The following PTPRD variants were observed in gnomAD, a reference collection of about 807,000 sequenced individuals.
PTPRD encodes the protein receptor-type tyrosine-protein phosphatase delta.
PTPRD carries 34 observed loss-of-function variants against 214.5 expected under a neutral mutation model. The observed-to-expected ratio is 0.16, with a 90% CI of 0.12 to 0.21. PTPRD has a LOEUF of 0.21. PTPRD is among the 10% of genes least tolerant of loss of function. The pLI, the probability that PTPRD is intolerant of heterozygous loss-of-function variation, is 1.00. For missense variants in PTPRD, 2,545 were observed against 2,398.7 expected (o/e 1.06, Z -1.27); for synonymous variants, 1,128 against 845.7 (o/e 1.33, Z -5.79).
intron 11 of PTPRD, among the ~76,000 whole-genome samples, chr9:8,913,677 C>T (rs1403694945): frequency 6.6e-6 from 1 of 152,114 alleles, no homozygotes; most frequent in Non-Finnish European, 1.5e-5. Context: ...CTACCCCATT[C>T]CCCATACTTT....
At chr9:8,637,674 A>C (rs1224737035) in intron 12 of PTPRD, among the ~76,000 whole-genome samples, 1 of 152,222 alleles carries the variant, frequency 6.6e-6, no homozygotes, top group Non-Finnish European at 1.5e-5. Flanking sequence ...GAATGATATA[A>C]AATGTAAATG....
At chr9:9,384,434 A>G in intron 9 of PTPRD, among the ~76,000 whole-genome samples, 1 of 133,078 alleles carries the variant, frequency 7.5e-6, no homozygotes. Flanking sequence ...TAGAAACATC[A>G]TTTTTGTATG....
intron 10 of PTPRD, among the ~76,000 whole-genome samples, chr9:9,027,169 T>C (rs2099590192): frequency 6.6e-6 from 1 of 151,774 alleles, no homozygotes; most frequent in Non-Finnish European, 1.5e-5. Flanking sequence ...ATTTACTACC[T>C]TCCCTCTCTG....
chr9:8,581,990 A>G (rs1223648118), intron 14 of PTPRD, among the ~76,000 whole-genome samples: 1 of 151,640 alleles, frequency 6.6e-6, no homozygotes, highest in Non-Finnish European at 1.5e-5. Context: ...CAAATTTTTA[A>G]ATACTAAAAG....
At chr9:10,312,288 T>C (rs563615389) in intron 3 of PTPRD, among the ~76,000 whole-genome samples, 141 of 152,112 alleles carry the variant, frequency 9.3e-4, no homozygotes, top group African/African-American at 3.2e-3. Flanking sequence ...CTCTTCCTCA[T>C]CCATTTGAGG....
At chr9:9,847,421 G>A (rs1378495031) in intron 5 of PTPRD, among the ~76,000 whole-genome samples, 2 of 152,052 alleles carry the variant, frequency 1.3e-5, no homozygotes, top group East Asian at 3.9e-4. Context: ...TACAATTGAT[G>A]CTATATTTTT....
chr9:9,323,610 A>C (rs1967903332), intron 9 of PTPRD, among the ~76,000 whole-genome samples: 1 of 152,066 alleles, frequency 6.6e-6, no homozygotes, highest in South Asian at 2.1e-4. Flanking sequence ...ATCTCAAACA[A>C]ATTGGCTTCT....
chr9:8,780,514 G>C (rs1192552910), intron 11 of PTPRD, among the ~76,000 whole-genome samples: 1 of 152,150 alleles, frequency 6.6e-6, no homozygotes, highest in African/African-American at 2.4e-5. Context: ...TGCAACACTG[G>C]GAGAAGGAGG....
intron 36 of PTPRD, among the ~76,000 whole-genome samples, chr9:8,393,016 C>G (rs910429911): frequency 2.6e-5 from 4 of 152,174 alleles, no homozygotes; most frequent in African/African-American, 9.7e-5. Flanking sequence ...TCAACCAACA[C>G]TGTGAAAATA....
chr9:8,998,852 A>T (rs1306448877), intron 11 of PTPRD, among the ~76,000 whole-genome samples: 2 of 152,094 alleles, frequency 1.3e-5, no homozygotes, highest in Non-Finnish European at 2.9e-5. Context: ...ATTTGGAAGA[A>T]GTTGATTCCA....
intron 26 of PTPRD, among the ~76,000 whole-genome samples, chr9:8,494,652 G>T (rs576081854): frequency 6.6e-6 from 1 of 152,298 alleles, no homozygotes; most frequent in Non-Finnish European, 1.5e-5. Flanking sequence ...TATGCACTCT[G>T]AGACTTATAT....
At position 8,379,637 on chromosome 9, in the gene PTPRD, T is replaced by C. The variant is rs374199906; in HGVS notation, c.4387-2911A>G. On this transcript the variant is annotated intron_variant, in intron 37 of 45. Transcript: ENST00000381196. ...CCTTTGACAACTTTCCTTCCCCTAC[T>C]CGGTCTTCTTAAGAGAAAATATCAT... Among the ~76,000 whole-genome samples, 12 of 152,154 alleles carry C rather than the reference T, an allele frequency of 7.9e-5. No homozygotes were observed. In the East Asian group the frequency reaches 1.7e-3, roughly 22 times the overall value.
chr9:8,331,930 TC>T (rs1374538637), intron 43 of PTPRD, among the ~76,000 whole-genome samples, 194 bp from the exon 44 acceptor site: 1 of 36,842 alleles, frequency 2.7e-5, no homozygotes, highest in Non-Finnish European at 3.8e-5. Context: ...TACCTTTAAA[TC>T]CTAAATTTAT....
At chr9:8,807,079 G>A (rs1485220861) in intron 11 of PTPRD, among the ~76,000 whole-genome samples, 1 of 152,178 alleles carries the variant, frequency 6.6e-6, no homozygotes, top group Non-Finnish European at 1.5e-5. Flanking sequence ...GCTCATGCTT[G>A]TAATCCTAGC....
intron 7 of PTPRD, among the ~76,000 whole-genome samples, chr9:9,600,424 A>G (rs539311982): frequency 6.2e-4 from 3 of 4,850 alleles, no homozygotes; most frequent in African/African-American, 8.0e-4. Flanking sequence ...TCATTCATTC[A>G]TTGTATTAGC....
chr9:8,491,731 G>A (rs1288972665), intron 27 of PTPRD, among the ~76,000 whole-genome samples: 3 of 150,882 alleles, frequency 2.0e-5, no homozygotes, highest in African/African-American at 7.3e-5. Flanking sequence ...CCTGCTGTTT[G>A]AGGCAATTCC....
At chr9:10,562,458 A>G (rs2064271192) in intron 2 of PTPRD, among the ~76,000 whole-genome samples, 1 of 152,114 alleles carries the variant, frequency 6.6e-6, no homozygotes, top group African/African-American at 2.4e-5. Flanking sequence ...CAATATAATA[A>G]TAAAAGTTGA....
chr9:9,933,504 G>A (rs1436013187), intron 5 of PTPRD, among the ~76,000 whole-genome samples: 3 of 151,752 alleles, frequency 2.0e-5, no homozygotes, highest in East Asian at 3.8e-4. Flanking sequence ...GTGGTAAAGG[G>A]ATCAATTCAA....
intron 2 of PTPRD, among the ~76,000 whole-genome samples, chr9:10,499,634 T>G (rs552961416): frequency 6.6e-6 from 1 of 152,024 alleles, no homozygotes; most frequent in East Asian, 1.9e-4. Context: ...TCTAAATTTA[T>G]GCACAAGCCA....
Sources: gnomAD v4.1 joint callset for allele counts (sites outside exome capture counted in the v4.1 genomes callset) on GRCh38, gnomAD v4.1.1 for gene constraint, MANE v1.5 for transcripts, NCBI Gene and HGNC (gene_info 2026-07-23, HGNC 2026-07-21) for gene names.